Variants in CCDC62 observed in about 807,000 individuals in gnomAD.
CCDC62 encodes the protein coiled-coil domain containing 62, also known as coiled-coil domain-containing protein 62.
In CCDC62, 72 loss-of-function variants were observed where a neutral mutation model predicts 80.8. That is an observed-to-expected ratio of 0.89 (90% CI 0.74 to 1.08). CCDC62 has a LOEUF of 1.08. CCDC62 is among the 50% of genes least tolerant of loss of function. The pLI, the probability that CCDC62 is intolerant of heterozygous loss-of-function variation, is 0.00. For synonymous variants in CCDC62, 286 were observed against 296.5 expected (o/e 0.96, Z 0.36); for missense variants, 704 against 809.4 (o/e 0.87, Z 1.58).
In CCDC62 at chr12:122,777,689, A is replaced by C; in HGVS notation, c.229+6A>C. ...ACGTTGCAGCAAATTAGAAGGTCAG[A>C]AATACATTCAGGGACAACAGTTATG... On this transcript the variant is annotated splice_donor_region_variant and intron_variant, in intron 2 of 12. Transcript: ENST00000253079. 6.2e-7 allele frequency: 1 copy of C among 1,612,880 alleles called. No individual in the cohort carries two copies. Among genetic ancestry groups the C allele is most frequent in the Non-Finnish European group, 8.5e-7 (1 of 1,178,932 alleles).
Position 122,801,739 on chromosome 12 carries a change from C to T in CCDC62, c.1593C>T (p.Asp531=), listed in dbSNP as rs371690932. 1.6e-5 allele frequency: 26 copies of T among 1,614,060 alleles called. No individual in the cohort carries two copies. The highest frequency in any genetic ancestry group is 6.7e-5 in the East Asian group (3 of 44,898). Reference sequence around the variant, plus strand: ...TTGAAGCCCCAGGCCACATGTCTGACGTGGAGTGGATGAGTATTTTCAAGC... The same window carrying T: ...TTGAAGCCCCAGGCCACATGTCTGATGTGGAGTGGATGAGTATTTTCAAGC... ...FIIEAPGHMS[D]VEWMSIFKPS... Residue 531 remains aspartate (D), a synonymous_variant, in exon 9 of 13, where the codon GAC becomes GAT. Transcript: ENST00000253079.
At chr12:122,825,832 C>CAA (rs111491915) in intron 12 of CCDC62, among the ~76,000 whole-genome samples, 112,792 of 142,558 alleles carry the variant, frequency 0.79, 45,426 homozygotes, top group Middle Eastern at 0.91. Flanking sequence ...CTAAAAATAC[C>CAA]AAAAAAAAAA....
At chr12:122,817,894 T>C (rs2032234282) in intron 11 of CCDC62, among the ~76,000 whole-genome samples, 1 of 152,126 alleles carries the variant, frequency 6.6e-6, no homozygotes, top group South Asian at 2.1e-4. Context: ...CCATGACTCC[T>C]GCTCACTGTG....
rs1383195648 is a variant in CCDC62, at chr12:122,774,676, C to G, written c.6C>G (p.Asn2Lys). The G allele has an allele frequency of 3.2e-6, 4 of 1,255,094 alleles. No homozygotes were observed. The African/African-American group carries it at 6.2e-5, about 19-fold the overall frequency. The allele number at this position is 1,255,094 out of a possible 1,614,324, so 77.7% of individuals were successfully genotyped here. Residue 2 changes from asparagine to lysine, a missense_variant, in exon 1 of 13, where the codon AAC becomes AAG. Asn to Lys is a moderately conservative substitution (Grantham distance 94). Transcript: ENST00000253079. M[N>K]PPAAFLAGRQ... ...CGGGGGCGGAGGAAACACCTATGAA[C>G]CCTCCGGCAGCCTTCCTTGCCGGGC...
intron 4 of CCDC62, among the ~76,000 whole-genome samples, chr12:122,786,249 G>A (rs2030220807): frequency 6.6e-6 from 1 of 152,098 alleles, no homozygotes; most frequent in Non-Finnish European, 1.5e-5. Context: ...CCAGGTTCAC[G>A]CCATTCTCCT....
chr12:122,812,260 T>C (rs967832571), intron 10 of CCDC62, among the ~76,000 whole-genome samples: 7 of 151,612 alleles, frequency 4.6e-5, no homozygotes, highest in Non-Finnish European at 8.8e-5. Context: ...CTGGCCAACA[T>C]GGTGAAACCC....
intron 3 of CCDC62, among the ~76,000 whole-genome samples, chr12:122,782,419 T>C (rs2029919767): frequency 6.6e-6 from 1 of 152,120 alleles, no homozygotes; most frequent in Non-Finnish European, 1.5e-5. Flanking sequence ...GATGAGAGGG[T>C]ATAATCAAGT....
At chr12:122,781,118 T>A in intron 2 of CCDC62, 46 bp from the exon 3 acceptor site, 1 of 1,520,220 alleles carries the variant, frequency 6.6e-7, no homozygotes, top group South Asian at 1.2e-5. Flanking sequence ...AATAATGCCT[T>A]TTAAGCTGAA....
At chr12:122,795,638 A>G (rs1257448318) in intron 6 of CCDC62, among the ~76,000 whole-genome samples, 6 of 151,986 alleles carry the variant, frequency 3.9e-5, no homozygotes, top group Non-Finnish European at 7.4e-5. Context: ...GTTAGCCAGG[A>G]TGGTCTTGAT....
intron 5 of CCDC62, among the ~76,000 whole-genome samples, chr12:122,790,569 A>T (rs972304408): frequency 3.9e-5 from 6 of 152,062 alleles, no homozygotes; most frequent in African/African-American, 1.4e-4. Flanking sequence ...AAGTGAAAGG[A>T]TTTCTTGATC....
intron 10 of CCDC62, 104 bp from the exon 11 acceptor site, chr12:122,813,166 G>C: frequency 8.0e-7 from 1 of 1,244,136 alleles, no homozygotes; most frequent in Non-Finnish European, 1.1e-6. Flanking sequence ...ACTTCAGCCT[G>C]GGCGTCAGAG....
intron 6 of CCDC62, among the ~76,000 whole-genome samples, chr12:122,796,872 TTCTTC>T (rs1289196508): frequency 4.2e-4 from 10 of 23,654 alleles, no homozygotes; most frequent in Non-Finnish European, 1.2e-3. Flanking sequence ...TACAAATCAC[TTCTTC>T]TTTTTTTTTT....
intron 2 of CCDC62, among the ~76,000 whole-genome samples, chr12:122,779,256 C>G (rs1346006096): frequency 6.6e-6 from 1 of 152,170 alleles, no homozygotes; most frequent in African/African-American, 2.4e-5. Flanking sequence ...CCTTTACCAG[C>G]CTGGCAGAAA....
At chr12:122,799,296 TCATCCATC>T (rs1041631269) in intron 8 of CCDC62, among the ~76,000 whole-genome samples, 11 of 152,104 alleles carry the variant, frequency 7.2e-5, no homozygotes, top group African/African-American at 2.4e-4. Context: ...AATCATTCAT[TCATCCATC>T]CATCCATCCA....
rs752393846 is a variant in CCDC62, at chr12:122,777,643, G to A, written c.189G>A (p.Gln63=). 5.6e-6 allele frequency: 9 copies of A among 1,614,138 alleles called. No individual in the cohort carries two copies. Among genetic ancestry groups the A allele is most frequent in the Non-Finnish European group, 7.6e-6 (9 of 1,180,008 alleles). Residue 63 remains glutamine, a synonymous_variant, in exon 2 of 13, where the codon CAG becomes CAA. Transcript: ENST00000253079. The part of the protein sequence containing the change: ...QQLLSWEEDR[Q]KVLTLEERCS... The stretch of plus-strand genomic sequence containing the variant: ...TTCTTTCATGGGAAGAGGATCGGCA[G>A]AAAGTGTTGACACTGGAAGAACGTT...
intron 4 of CCDC62, among the ~76,000 whole-genome samples, chr12:122,786,724 G>A (rs1163184563): frequency 6.6e-6 from 1 of 151,916 alleles, no homozygotes; most frequent in Non-Finnish European, 1.5e-5. Context: ...ACTTTGGGAG[G>A]CCGAGGCGGG....
chr12:122,818,855 C>T (rs569882909), intron 11 of CCDC62, among the ~76,000 whole-genome samples: 2 of 151,728 alleles, frequency 1.3e-5, no homozygotes, highest in Non-Finnish European at 2.9e-5. Flanking sequence ...CCCAGGAGTT[C>T]GAGGCTACAG....
chr12:122,801,370 C>T lies in CCDC62; in HGVS notation c.1224C>T (p.Asn408=). The change falls in exon 9 of 13, where the codon AAC becomes AAT. Residue 408 remains asparagine, a synonymous_variant. Coordinates refer to ENST00000253079, the MANE Select transcript of CCDC62 (RefSeq NM_201435.5). ...CCAAAGACTTAGTAGAGAAACACAA[C>T]CTCCCTTGGTCTCTGGGAGGAAAAA... The part of the protein sequence containing the change: ...IFTKDLVEKH[N]LPWSLGGKTQ... 6.2e-7 allele frequency: 1 copy of T among 1,614,180 alleles called. No homozygotes were observed. Among genetic ancestry groups the T allele is most frequent in the South Asian group, 1.1e-5 (1 of 91,088 alleles).
chr12:122,806,394 C>A, intron 10 of CCDC62, 99 bp downstream of exon 10: 5 of 824,302 alleles, frequency 6.1e-6, no homozygotes, highest in Non-Finnish European at 8.5e-6. Flanking sequence ...CTTATTTTGG[C>A]TATTCCTCCG....
Sources: gnomAD v4.1 joint callset for allele counts (sites outside exome capture counted in the v4.1 genomes callset) on GRCh38, gnomAD v4.1.1 for gene constraint, MANE v1.5 for transcripts, NCBI Gene and HGNC (gene_info 2026-07-23, HGNC 2026-07-21) for gene names.